ERBB4: variants seen among roughly 807,000 people sequenced by gnomAD.
ERBB4 encodes the protein erb-b2 receptor tyrosine kinase 4.
ERBB4 carries 42 observed loss-of-function variants against 158.0 expected under a neutral mutation model. That is an observed-to-expected ratio of 0.27 (90% CI 0.21 to 0.34). The LOEUF (loss-of-function observed/expected upper bound fraction) is 0.34. ERBB4 is among the 10% of genes least tolerant of loss of function. The pLI is 1.00. For synonymous variants in ERBB4, 583 were observed against 558.7 expected, an observed-to-expected ratio of 1.04 and a Z score of -0.61; for missense variants, 1,333 against 1,624.1, an observed-to-expected ratio of 0.82 and a Z score of 3.08.
chr2:211,611,554 C>T (rs2069201516), intron 19 of ERBB4, among the ~76,000 whole-genome samples: 2 of 151,210 alleles, frequency 1.3e-5, no homozygotes, highest in East Asian at 1.9e-4. Flanking sequence ...CGTGAGACCA[C>T]GAACCCTTCG....
chr2:211,717,850 C>A (rs1575042608), intron 7 of ERBB4, among the ~76,000 whole-genome samples: 1 of 152,088 alleles, frequency 6.6e-6, no homozygotes, highest in South Asian at 2.1e-4. Context: ...AATCTACCCC[C>A]CTCATCCTTA....
intron 1 of ERBB4, among the ~76,000 whole-genome samples, chr2:212,438,112 A>G (rs6760968): frequency 0.059 from 8,921 of 152,054 alleles, 724 homozygotes; most frequent in African/African-American, 0.19. Flanking sequence ...TTTCTAGACT[A>G]GTGCTCATAA....
chr2:212,445,550 G>T (rs1015489313), intron 1 of ERBB4, among the ~76,000 whole-genome samples: 1 of 152,144 alleles, frequency 6.6e-6, no homozygotes, highest in South Asian at 2.1e-4. Context: ...GTTGGCTGGG[G>T]TGACTGACCC....
At chr2:211,443,852 A>G (rs2125459567) in intron 20 of ERBB4, among the ~76,000 whole-genome samples, 1 of 152,246 alleles carries the variant, frequency 6.6e-6, no homozygotes, top group Non-Finnish European at 1.5e-5. Flanking sequence ...TAAAATTCTT[A>G]GAACAGTTAA....
chr2:212,034,925 A>T (rs532154148), intron 2 of ERBB4, among the ~76,000 whole-genome samples: 1 of 152,296 alleles, frequency 6.6e-6, no homozygotes, highest in South Asian at 2.1e-4. Context: ...GTTTGTGTGG[A>T]AATTTTTAGG....
intron 25 of ERBB4, among the ~76,000 whole-genome samples, chr2:211,397,500 A>G (rs1034073974): frequency 2.0e-5 from 3 of 152,206 alleles, no homozygotes; most frequent in Admixed American, 6.5e-5. Context: ...GATGACCCAT[A>G]GAGACGGTAA....
intron 1 of ERBB4, among the ~76,000 whole-genome samples, chr2:212,368,224 T>C (rs559400850): frequency 2.6e-5 from 4 of 152,214 alleles, no homozygotes; most frequent in African/African-American, 9.6e-5. Flanking sequence ...GGTCTATACA[T>C]ACAATGGAAT....
intron 1 of ERBB4, among the ~76,000 whole-genome samples, chr2:212,276,855 C>G (rs2085556603): frequency 6.6e-6 from 1 of 151,778 alleles, no homozygotes; most frequent in African/African-American, 2.4e-5. Context: ...CATCTGATGA[C>G]TTTGTAAATG....
rs148201380 is a variant in ERBB4 at position 212,517,501 on chromosome 2, T to G, written c.82+20948A>C. Among the ~76,000 whole-genome samples the G allele has an allele frequency of 6.5e-4, 99 of 152,236 alleles. 1 individual carries two copies. In the East Asian group the frequency reaches 0.017, roughly 26 times the overall value. On this transcript the variant is annotated intron_variant, in intron 1 of 27. Coordinates refer to ENST00000342788, the MANE Select transcript of ERBB4 (RefSeq NM_005235.3). ...TCAATGATTATCCCAATACTTAGAG[T>G]ACAAGGGTTATTTGCAATGTGTTGA...
At chr2:212,073,090 T>G (rs2078171835) in intron 2 of ERBB4, among the ~76,000 whole-genome samples, 1 of 151,580 alleles carries the variant, frequency 6.6e-6, no homozygotes, top group Non-Finnish European at 1.5e-5. Context: ...AGAACCAGTA[T>G]GGAGGCCTGG....
intron 20 of ERBB4, among the ~76,000 whole-genome samples, chr2:211,496,068 C>T (rs964568092): frequency 1.1e-4 from 16 of 152,176 alleles, no homozygotes; most frequent in East Asian, 5.8e-4. Context: ...ATTTGATTTA[C>T]ATTTGATTCA....
At chr2:211,515,018 A>G (rs999974499) in intron 20 of ERBB4, among the ~76,000 whole-genome samples, 9 of 152,184 alleles carry the variant, frequency 5.9e-5, no homozygotes, top group South Asian at 2.1e-4. Flanking sequence ...GGGATTGATT[A>G]CTGGCTGGTG....
chr2:212,389,504 A>C (rs1011897461), intron 1 of ERBB4, among the ~76,000 whole-genome samples: 1 of 151,948 alleles, frequency 6.6e-6, no homozygotes, highest in Non-Finnish European at 1.5e-5. Flanking sequence ...GAAAAATTCA[A>C]CTCTGGTCAA....
chr2:212,295,566 C>T (rs936804490), intron 1 of ERBB4, among the ~76,000 whole-genome samples: 19 of 152,130 alleles, frequency 1.2e-4, no homozygotes, highest in South Asian at 8.3e-4. Context: ...ACTGACATCA[C>T]GACACAGTGG....
intron 25 of ERBB4, among the ~76,000 whole-genome samples, chr2:211,399,524 C>T (rs916121053): frequency 2.0e-5 from 3 of 152,170 alleles, no homozygotes; most frequent in Admixed American, 6.6e-5. Context: ...TGGAATTGAA[C>T]TCAGATGCAA....
At chr2:212,344,649 T>C (rs2088894244) in intron 1 of ERBB4, among the ~76,000 whole-genome samples, 1 of 152,056 alleles carries the variant, frequency 6.6e-6, no homozygotes, top group Admixed American at 6.6e-5. Flanking sequence ...CATCAGGTAA[T>C]AGAAACCACA....
At chr2:211,684,144 G>T (rs2072467940) in intron 12 of ERBB4, among the ~76,000 whole-genome samples, 1 of 152,002 alleles carries the variant, frequency 6.6e-6, no homozygotes, top group Non-Finnish European at 1.5e-5. Flanking sequence ...GAAGATGGGA[G>T]GGGGAGAAAT....
chr2:211,602,508 C>A (rs1013487301), intron 19 of ERBB4, among the ~76,000 whole-genome samples: 4 of 152,092 alleles, frequency 2.6e-5, no homozygotes, highest in Non-Finnish European at 5.9e-5. Context: ...CCTGGCTAAA[C>A]CAGTCAACTT....
chr2:212,244,307 G>A (rs1379802661), intron 1 of ERBB4, among the ~76,000 whole-genome samples: 2 of 152,074 alleles, frequency 1.3e-5, no homozygotes, highest in Non-Finnish European at 2.9e-5. Context: ...GCAACACGGA[G>A]GAAGTCTAGC....
Sources: allele counts gnomAD v4.1 joint callset (sites outside exome capture counted in the v4.1 genomes callset), GRCh38; gene constraint gnomAD v4.1.1; transcripts MANE v1.5; gene names NCBI Gene and HGNC (gene_info 2026-07-23, HGNC 2026-07-21).